NOX4: variants seen among roughly 807,000 people sequenced by gnomAD.
NOX4 encodes NADPH oxidase 4.
Under a neutral mutation model 87.6 loss-of-function variants are expected in NOX4, and 69 were observed. The observed-to-expected ratio is 0.79, with a 90% CI of 0.65 to 0.96. The LOEUF (loss-of-function observed/expected upper bound fraction) is 0.96, where lower values mean the gene tolerates loss of function less well. Among genes scored for constraint, NOX4 ranks in the 40% least tolerant of loss-of-function variants. The pLI is 0.00. For missense variants in NOX4, 680 were observed against 681.5 expected, an observed-to-expected ratio of 1.00 and a Z score of 0.02; for synonymous variants, 275 against 238.2, an observed-to-expected ratio of 1.15 and a Z score of -1.42.
the NOX4 span, among the ~76,000 whole-genome samples, chr11:89,549,559 T>C: frequency 6.6e-6 from 1 of 152,220 alleles, no homozygotes; most frequent in Admixed American, 6.5e-5. Context: ...GTTACATAGG[T>C]ATACATGTGC....
At chr11:89,544,094 C>T in the NOX4 span, among the ~76,000 whole-genome samples, 3 of 151,692 alleles carry the variant, frequency 2.0e-5, no homozygotes, top group Admixed American at 1.3e-4. Context: ...AATATTAAAC[C>T]CTGTGTTGGT....
chr11:89,406,460 C>T (rs1376943023), intron 8 of NOX4, among the ~76,000 whole-genome samples: 1 of 152,064 alleles, frequency 6.6e-6, no homozygotes, highest in Admixed American at 6.6e-5. Context: ...GTCTATTTGC[C>T]AAACAATACT....
chr11:89,493,957 A>G (rs1283432088), upstream of NOX4, among the ~76,000 whole-genome samples: 1 of 151,926 alleles, frequency 6.6e-6, no homozygotes, highest in Non-Finnish European at 1.5e-5. Context: ...GTTTCACCAC[A>G]TTGGCCAGGC....
intron 8 of NOX4, among the ~76,000 whole-genome samples, chr11:89,418,694 T>C (rs1261322575): frequency 6.6e-6 from 1 of 151,782 alleles, no homozygotes; most frequent in African/African-American, 2.4e-5. Context: ...AGTAAAATAA[T>C]TCCAACCAAA....
chr11:89,508,913 G>A, the NOX4 span, among the ~76,000 whole-genome samples: 1 of 152,022 alleles, frequency 6.6e-6, no homozygotes, highest in East Asian at 1.9e-4. Flanking sequence ...ATTGCACACA[G>A]TTGTCCAGTC....
chr11:89,497,873 A>C (rs1591386171), intron 1 of NOX4: 1 of 152,276 alleles, frequency 6.6e-6, no homozygotes, highest in East Asian at 1.9e-4. Context: ...TCACACTGAC[A>C]GTTTCTTTTT....
chr11:89,426,202 A>T (rs1943394780), intron 7 of NOX4, among the ~76,000 whole-genome samples: 1 of 152,210 alleles, frequency 6.6e-6, no homozygotes, highest in South Asian at 2.1e-4. Flanking sequence ...ACAGCAAGAC[A>T]AACTCATATC....
intron 6 of NOX4, among the ~76,000 whole-genome samples, chr11:89,438,811 ATATATATTATATAATATCT>A (rs1944267147): frequency 4.2e-5 from 1 of 23,940 alleles, no homozygotes; most frequent in Non-Finnish European, 5.5e-5. Context: ...ATTATATATT[ATATATATTATATAATATCT>A]TATATATTAT....
the NOX4 span, among the ~76,000 whole-genome samples, chr11:89,526,159 A>T: frequency 1.3e-5 from 2 of 152,098 alleles, no homozygotes; most frequent in Non-Finnish European, 2.9e-5. Context: ...TCTTTTTAAA[A>T]TTTTTTTGAC....
chr11:89,538,598 G>A, the NOX4 span, among the ~76,000 whole-genome samples: 1 of 152,114 alleles, frequency 6.6e-6, no homozygotes, highest in Non-Finnish European at 1.5e-5. Flanking sequence ...AAATAGAAAA[G>A]GATGCTTCAC....
the NOX4 span, among the ~76,000 whole-genome samples, chr11:89,512,303 T>G: frequency 6.6e-6 from 1 of 152,092 alleles, no homozygotes; most frequent in Admixed American, 6.6e-5. Flanking sequence ...GTCTACTCTC[T>G]TAATAATTGT....
chr11:89,580,198 A>T, the NOX4 span, among the ~76,000 whole-genome samples: 1 of 152,062 alleles, frequency 6.6e-6, no homozygotes, highest in Non-Finnish European at 1.5e-5. Context: ...TTATTTTTGC[A>T]GTTTTGAGAT....
At chr11:89,416,718 T>G (rs1942796108) in intron 8 of NOX4, among the ~76,000 whole-genome samples, 1 of 152,132 alleles carries the variant, frequency 6.6e-6, no homozygotes, top group African/African-American at 2.4e-5. Context: ...GCCTGCCCAC[T>G]GTGCTCCCCT....
chr11:89,337,365 A>T, intron 16 of NOX4, 82 bp downstream of exon 16: 1 of 1,589,972 alleles, frequency 6.3e-7, no homozygotes, highest in East Asian at 2.3e-5. Flanking sequence ...AACCACCTGC[A>T]GGAATTTTCT....
intron 2 of NOX4, among the ~76,000 whole-genome samples, chr11:89,467,160 A>G (rs1945730959): frequency 6.6e-6 from 1 of 151,718 alleles, no homozygotes; most frequent in Non-Finnish European, 1.5e-5. Flanking sequence ...CATGCTGGCT[A>G]ACACAGTGAA....
At chr11:89,546,267 TA>T in the NOX4 span, among the ~76,000 whole-genome samples, 2 of 152,048 alleles carry the variant, frequency 1.3e-5, no homozygotes, top group Non-Finnish European at 2.9e-5. Flanking sequence ...TGATAGTAAT[TA>T]AAAAAAGACA....
chr11:89,478,012 A>C (rs1946238589), intron 2 of NOX4, among the ~76,000 whole-genome samples: 1 of 152,220 alleles, frequency 6.6e-6, no homozygotes, highest in African/African-American at 2.4e-5. Context: ...TTTATAAATA[A>C]ATTTCAACTT....
In NOX4 at chr11:89,491,300, G is replaced by GCGGCGGC; in HGVS notation, c.-61_-55dup. On this transcript the variant is annotated 5_prime_UTR_variant, in exon 1 of 18. Transcript: ENST00000263317. ...TGCCCGCCGGACCGAGAAGGAGCGG[G>GCGGCGGC]CGGCGGCCGGGGCAGCGGTTACAGT... The GCGGCGGC allele has an allele frequency of 6.5e-7, 1 of 1,547,062 alleles. No homozygotes were observed. Among genetic ancestry groups the GCGGCGGC allele is most frequent in the South Asian group, 1.2e-5 (1 of 86,082 alleles).
At chr11:89,586,614 G>A in the NOX4 span, among the ~76,000 whole-genome samples, 1 of 152,144 alleles carries the variant, frequency 6.6e-6, no homozygotes, top group African/African-American at 2.4e-5. Context: ...AAGTTTAGTG[G>A]TATAATCCTT....
Sources: gnomAD v4.1 joint callset for allele counts (sites outside exome capture counted in the v4.1 genomes callset) on GRCh38, gnomAD v4.1.1 for gene constraint, MANE v1.5 for transcripts, NCBI Gene and HGNC (gene_info 2026-07-23, HGNC 2026-07-21) for gene names.